Variants in LETMD1 observed in about 807,000 individuals in gnomAD.
The protein encoded by LETMD1 is LETM1 domain-containing protein 1.
LETMD1 carries 30 observed loss-of-function variants against 43.9 expected under a neutral mutation model. The ratio of observed to expected loss-of-function variants is 0.68; its 90% confidence interval spans 0.51 to 0.93. The LOEUF (loss-of-function observed/expected upper bound fraction) is 0.93, where lower values mean the gene tolerates loss of function less well. Among genes scored for constraint, LETMD1 ranks in the 40% least tolerant of loss-of-function variants. The pLI is 0.00. For synonymous variants in LETMD1, 176 were observed against 163.1 expected (o/e 1.08, Z -0.60); for missense variants, 413 against 447.7 (o/e 0.92, Z 0.70).
At chr12:51,059,275 C>T in intron 8 of LETMD1, 86 bp from the exon 9 acceptor site, 1 of 1,213,426 alleles carries the variant, frequency 8.2e-7, no homozygotes. Flanking sequence ...CTGCACTTGG[C>T]TTCCTGCCTC....
chr12:51,060,940 A>G (rs1948809294), downstream of LETMD1, among the ~76,000 whole-genome samples: 1 of 151,860 alleles, frequency 6.6e-6, no homozygotes, highest in Non-Finnish European at 1.5e-5. Flanking sequence ...GAATGAGAAA[A>G]TGGGAGCCCA....
the LETMD1 span, among the ~76,000 whole-genome samples, chr12:51,066,106 G>T: frequency 6.6e-6 from 1 of 151,278 alleles, no homozygotes; most frequent in Non-Finnish European, 1.5e-5. Flanking sequence ...GATCACCTGA[G>T]GTCAGGCGTT....
chr12:51,048,577 C>A, intron 1 of LETMD1, 99 bp downstream of exon 1: 3 of 1,463,792 alleles, frequency 2.0e-6, no homozygotes, highest in Non-Finnish European at 2.8e-6. Context: ...GAGTTCCACG[C>A]CTTGGCCCTG....
At chr12:51,050,540 A>G (rs1474168478) in intron 2 of LETMD1, among the ~76,000 whole-genome samples, 1 of 151,822 alleles carries the variant, frequency 6.6e-6, no homozygotes, top group East Asian at 1.9e-4. Flanking sequence ...GGAAATTTTT[A>G]AACACACACA....
At chr12:51,058,607 A>G (rs1948405882) in intron 8 of LETMD1, 1 of 160,386 alleles carries the variant, frequency 6.2e-6, no homozygotes. Context: ...TTTTTAGTAG[A>G]GACCAGGTTT....
the LETMD1 span, chr12:51,067,553 G>T: frequency 2.2e-6 from 2 of 912,990 alleles, no homozygotes; most frequent in Non-Finnish European, 3.4e-6. This position sits in a 1 kb window ranked among gnomAD's most constrained non-coding sequence, Gnocchi z 4.1. Flanking sequence ...TGTGGAACTG[G>T]AGAGTGTTCA....
downstream of LETMD1, among the ~76,000 whole-genome samples, chr12:51,065,034 T>G (rs1938001969): frequency 1.3e-5 from 2 of 152,216 alleles, no homozygotes; most frequent in African/African-American, 4.8e-5. Flanking sequence ...AGAGGAAATT[T>G]ACGAGCCTCA....
At chr12:51,065,039 G>A (rs888619702), downstream of LETMD1, among the ~76,000 whole-genome samples, 3 of 152,200 alleles carry the variant, frequency 2.0e-5, no homozygotes, top group Admixed American at 6.5e-5. Context: ...AAATTTACGA[G>A]CCTCAGAGAC....
downstream of LETMD1, chr12:51,064,605 A>G (rs773434648): frequency 1.9e-6 from 3 of 1,584,906 alleles, no homozygotes; most frequent in Admixed American, 1.8e-5. Context: ...ATTAAATTCA[A>G]TGCGTCCTGC....
chr12:51,056,005 C>G lies in LETMD1; in HGVS notation c.644C>G (p.Thr215Arg). Residue 215 changes from threonine to arginine, a missense_variant, in exon 5 of 9, where the codon ACA (threonine) becomes AGA (arginine). Transcript: ENST00000262055. ...GATGCAGGACTCCGGTGGCGTCTGA[C>G]AGATCTGTGCACCAAGGTATTCCTG... Reference protein sequence around the residue: ...ISDAGLRWRLTDLCTKIQRGT... With the variant: ...ISDAGLRWRLRDLCTKIQRGT... 1 of 1,613,816 alleles carries G rather than the reference C, an allele frequency of 6.2e-7. No homozygotes were observed. The highest frequency in any genetic ancestry group is 1.1e-5 in the South Asian group (1 of 91,024).
At position 51,051,902 on chromosome 12, in the gene LETMD1, C is replaced by T. The variant is rs573024366; in HGVS notation, c.275-190C>T. On this transcript the variant is annotated intron_variant, in intron 2 of 8. Coordinates refer to ENST00000262055, the MANE Select transcript of LETMD1 (RefSeq NM_015416.5). ...ATGTAGCTAGAAGAGAGGCGATGTG[C>T]TAGGGGAAAAAATGTTGAGAAAAGA... Among the ~76,000 whole-genome samples, 70 of 152,172 alleles carry T rather than the reference C, an allele frequency of 4.6e-4. 1 individual carries two copies. Among genetic ancestry groups the T allele is most frequent in the African/African-American group, 1.6e-3 (65 of 41,530 alleles).
the LETMD1 span, among the ~76,000 whole-genome samples, chr12:51,068,243 C>T: frequency 2.6e-5 from 4 of 152,200 alleles, no homozygotes; most frequent in Non-Finnish European, 5.9e-5. Context: ...CTACAACCTC[C>T]GCCTCCCGGG....
In LETMD1 at chr12:51,051,706, C is replaced by CA. The variant is rs201478688; in HGVS notation, c.275-378dup. ...TGGGCAACAAAGTGAGATTCCATCTCAAAAAAAAGAAAAAAAAAGTTCCAG... is the reference window on the plus strand; with the variant it reads ...TGGGCAACAAAGTGAGATTCCATCTCAAAAAAAAAGAAAAAAAAAGTTCCAG... On this transcript the variant is annotated intron_variant, in intron 2 of 8. Transcript: ENST00000262055. 6.1e-3 allele frequency among the ~76,000 whole-genome samples: 909 copies of CA among 149,428 alleles called. 5 individuals carry two copies. The highest frequency in any genetic ancestry group is 0.02 in the African/African-American group (804 of 40,588).
intron 7 of LETMD1, 76 bp from the exon 8 acceptor site, chr12:51,057,956 T>G: frequency 1.0e-6 from 1 of 998,092 alleles, no homozygotes; most frequent in Non-Finnish European, 1.6e-6. Context: ...AGATTTAGGA[T>G]TGTTTGTGGA....
At chr12:51,064,698 G>C, downstream of LETMD1, 1 of 1,494,038 alleles carries the variant, frequency 6.7e-7, no homozygotes, top group South Asian at 1.4e-5. Flanking sequence ...GTTGGGGCAA[G>C]ATGAGACCTA....
At chr12:51,058,423 A>G (rs1948342846) in intron 8 of LETMD1, 1 of 292,214 alleles carries the variant, frequency 3.4e-6, no homozygotes, top group East Asian at 7.3e-5. Flanking sequence ...TTATTTATTT[A>G]TTTATTTATT....
chr12:51,054,404 G>C (rs973546134), intron 4 of LETMD1, among the ~76,000 whole-genome samples: 2 of 152,096 alleles, frequency 1.3e-5, no homozygotes, highest in Non-Finnish European at 2.9e-5. Flanking sequence ...TTCCATATAG[G>C]GTTGACAGAG....
intron 8 of LETMD1, chr12:51,059,135 C>T: frequency 1.9e-6 from 1 of 512,856 alleles, no homozygotes; most frequent in Non-Finnish European, 3.6e-6. Context: ...GAATTTTCTA[C>T]TGCAATCACA....
intron 8 of LETMD1, chr12:51,058,985 T>G (rs368566946): frequency 3.6e-6 from 1 of 279,534 alleles, no homozygotes; most frequent in Non-Finnish European, 7.0e-6. Flanking sequence ...GCCCCCTGTT[T>G]AGGCTAGGTC....
Sources: gnomAD v4.1 joint callset for allele counts (sites outside exome capture counted in the v4.1 genomes callset) on GRCh38, gnomAD v4.1.1 for gene constraint, Gnocchi (gnomAD v3.1) non-coding constraint, MANE v1.5 for transcripts, NCBI Gene and HGNC (gene_info 2026-07-23, HGNC 2026-07-21) for gene names.